Variants in KIF13B observed in about 807,000 individuals in gnomAD.
KIF13B encodes the protein kinesin-like protein KIF13B.
Under a neutral mutation model 222.0 loss-of-function variants are expected in KIF13B, and 127 were observed. The ratio of observed to expected loss-of-function variants is 0.57; its 90% CI spans 0.50 to 0.66. The LOEUF (loss-of-function observed/expected upper bound fraction) is 0.66. KIF13B is among the 30% of genes least tolerant of loss of function. The pLI, the probability that KIF13B is intolerant of heterozygous loss-of-function variation, is 0.00. For missense variants in KIF13B, 2,173 were observed against 2,379.0 expected, an observed-to-expected ratio of 0.91 and a Z score of 1.80; for synonymous variants, 976 against 919.0, an observed-to-expected ratio of 1.06 and a Z score of -1.12.
intron 34 of KIF13B, 41 bp from the exon 35 acceptor site, chr8:29,108,233 G>A: frequency 6.3e-7 from 1 of 1,579,866 alleles, no homozygotes; most frequent in Non-Finnish European, 8.7e-7. Flanking sequence ...TTATGCATCA[G>A]AGCATACACG....
At chr8:29,227,945 T>A (rs924167299) in intron 2 of KIF13B, among the ~76,000 whole-genome samples, 3 of 152,038 alleles carry the variant, frequency 2.0e-5, no homozygotes, top group Non-Finnish European at 4.4e-5. Context: ...AGCAAGACTT[T>A]AAAAAAAATT....
rs370060157 is a variant in KIF13B at position 29,228,043 on chromosome 8, G to GT, written c.149+17302dup. Among the ~76,000 whole-genome samples the GT allele has an allele frequency of 5.4e-3, 794 of 145,866 alleles. 4 individuals are homozygous for GT. Among genetic ancestry groups the GT allele is most frequent in the African/African-American group, 0.017 (691 of 39,772 alleles). On this transcript the variant is annotated intron_variant, in intron 2 of 39. Transcript: ENST00000524189. The stretch of plus-strand genomic sequence containing the variant: ...CACTGGAAATTTTTTTTATAATTTG[G>GT]TTTTTTTTTTTCCTTTCAAAGTACA...
intron 37 of KIF13B, among the ~76,000 whole-genome samples, chr8:29,091,792 T>C (rs957730666): frequency 1.3e-5 from 2 of 152,246 alleles, no homozygotes; most frequent in Non-Finnish European, 2.9e-5. Flanking sequence ...AGCCCCACCA[T>C]GTGTCTAAAT....
In KIF13B at chr8:29,071,598, G is replaced by T; in HGVS notation, c.5218+22C>A. ...CCCAGACCCCCGGCACCACCCTGGA[G>T]CCCGGAGTGCCCGGTACCCACCTGA... On this transcript the variant is annotated intron_variant, in intron 39 of 39. Coordinates refer to ENST00000524189, the MANE Select transcript of KIF13B (RefSeq NM_015254.4). The surrounding 1 kb of genome is among the most constrained non-coding windows in gnomAD (Gnocchi z 4.9). 1 of 1,539,642 alleles carries T rather than the reference G, an allele frequency of 6.5e-7. No homozygotes were observed. Among genetic ancestry groups the T allele is most frequent in the African/African-American group, 1.4e-5 (1 of 72,982 alleles).
intron 37 of KIF13B, among the ~76,000 whole-genome samples, chr8:29,077,179 C>T (rs1479225685): frequency 6.6e-6 from 1 of 152,162 alleles, no homozygotes; most frequent in Non-Finnish European, 1.5e-5. Flanking sequence ...TTGCACATGA[C>T]AAGGCCTGAA....
chr8:29,239,658 T>G (rs1487055298), intron 2 of KIF13B, among the ~76,000 whole-genome samples: 1 of 152,162 alleles, frequency 6.6e-6, no homozygotes, highest in Non-Finnish European at 1.5e-5. Flanking sequence ...TTGTTTTTTT[T>G]GTTTGTTTGC....
At chr8:29,255,644 G>A (rs1485801178) in intron 1 of KIF13B, among the ~76,000 whole-genome samples, 1 of 152,110 alleles carries the variant, frequency 6.6e-6, no homozygotes, top group East Asian at 1.9e-4. Context: ...GTTTCTCAGA[G>A]GAATGTTCTT....
At chr8:29,173,223 A>T (rs537533545) in intron 10 of KIF13B, among the ~76,000 whole-genome samples, 2 of 152,098 alleles carry the variant, frequency 1.3e-5, no homozygotes, top group Non-Finnish European at 2.9e-5. Context: ...CCAACAAAAG[A>T]TATTTGTTGT....
chr8:29,109,642 G>C, intron 33 of KIF13B, 131 bp from the exon 34 acceptor site: 1 of 803,896 alleles, frequency 1.2e-6, no homozygotes, highest in Admixed American at 1.9e-5. Context: ...GCTGTTACGT[G>C]ATTATTACGT....
intron 35 of KIF13B, among the ~76,000 whole-genome samples, chr8:29,104,020 G>A (rs994249586): frequency 3.3e-5 from 5 of 152,062 alleles, no homozygotes; most frequent in East Asian, 1.9e-4. Context: ...TGCTGTCTCC[G>A]AAGCATGTGG....
At chr8:29,130,809 T>C (rs1435019379) in intron 23 of KIF13B, 144 bp from the exon 24 acceptor site, 5 of 671,036 alleles carry the variant, frequency 7.5e-6, no homozygotes, top group African/African-American at 1.8e-5. Context: ...GTGAATACCA[T>C]GCATGTACAT....
intron 18 of KIF13B, among the ~76,000 whole-genome samples, chr8:29,145,081 C>A (rs1233831170): frequency 6.6e-6 from 1 of 152,214 alleles, no homozygotes; most frequent in African/African-American, 2.4e-5. Flanking sequence ...GGCCCTGAAC[C>A]TTCTCCTTGT....
intron 2 of KIF13B, among the ~76,000 whole-genome samples, chr8:29,228,472 A>AAAAAAAAAAAAAAAAAATATATATATAT: frequency 1.4e-4 from 16 of 117,068 alleles, no homozygotes; most frequent in Non-Finnish European, 1.9e-4. Context: ...ATCTTAAAAA[A>AAAAAAAAAAAAAAAAAATATATATATAT]ATATATATAT....
intron 36 of KIF13B, among the ~76,000 whole-genome samples, chr8:29,098,813 A>G (rs1388703123): frequency 6.6e-6 from 1 of 152,178 alleles, no homozygotes; most frequent in Non-Finnish European, 1.5e-5. Context: ...AAAACCTAAC[A>G]AAGACATGAA....
intron 37 of KIF13B, among the ~76,000 whole-genome samples, chr8:29,082,858 T>C (rs1586751850): frequency 1.3e-5 from 2 of 152,312 alleles, no homozygotes; most frequent in East Asian, 3.9e-4. Flanking sequence ...GGCAGAGTGG[T>C]TCACACACAT....
chr8:29,106,632 CAAAAAAAAAAAA>C (rs71222590), intron 35 of KIF13B, among the ~76,000 whole-genome samples: 7 of 56,466 alleles, frequency 1.2e-4, no homozygotes, highest in South Asian at 1.0e-3. Context: ...AACTCTGTCT[CAAAAAAAAAAAA>C]AAAAAAAAAA....
rs147089450 is a variant in KIF13B, at chr8:29,098,170, C to CAAAAAAAAAAAAAAAAAAAAAA, written c.4324+962_4324+963insTTTTTTTTTTTTTTTTTTTTTT. Among the ~76,000 whole-genome samples, 71 of 30,272 alleles carry CAAAAAAAAAAAAAAAAAAAAAA rather than the reference C, an allele frequency of 2.3e-3. 4 individuals carry two copies. The highest frequency in any genetic ancestry group is 3.3e-3 in the East Asian group (3 of 896). 19.9% of individuals were successfully genotyped at this position (30,272 alleles called of 152,430 possible). A position where few individuals can be genotyped will look rare whatever the true frequency, so the allele number is the denominator to read the frequency against. On this transcript the variant is annotated intron_variant, in intron 36 of 39. Coordinates refer to ENST00000524189, the MANE Select transcript of KIF13B (RefSeq NM_015254.4). ...TGGGCGACAGAGTCAGACTCCATCTCAAAAAAAAAAAAAAAAAAAAGTAAG... is the reference window on the plus strand; with the variant it reads ...TGGGCGACAGAGTCAGACTCCATCTCAAAAAAAAAAAAAAAAAAAAAAAAAAAAAAAAAAAAAAAAAAGTAAG...
chr8:29,228,472 A>AAAAAAAAAAATATATATATAT, intron 2 of KIF13B, among the ~76,000 whole-genome samples: 44 of 117,032 alleles, frequency 3.8e-4, no homozygotes, highest in Middle Eastern at 4.4e-3. Flanking sequence ...ATCTTAAAAA[A>AAAAAAAAAAATATATATATAT]ATATATATAT....
rs559545593 is a variant in KIF13B, at chr8:29,237,790, C to T, written c.149+7556G>A. Among the ~76,000 whole-genome samples the T allele has an allele frequency of 3.7e-4, 56 of 152,336 alleles. 1 individual carries two copies. The highest frequency in any genetic ancestry group is 1.3e-3 in the African/African-American group (56 of 41,592). On this transcript the variant is annotated intron_variant, in intron 2 of 39. Coordinates refer to ENST00000524189, the MANE Select transcript of KIF13B (RefSeq NM_015254.4). ...ATGCAATGATATGCATTCAACCACA[C>T]ATATTTTCTTATCTTTTTAGCTTTT...
Sources: gnomAD v4.1 joint callset for allele counts (sites outside exome capture counted in the v4.1 genomes callset) on GRCh38, gnomAD v4.1.1 for gene constraint, Gnocchi (gnomAD v3.1) non-coding constraint, MANE v1.5 for transcripts, NCBI Gene and HGNC (gene_info 2026-07-23, HGNC 2026-07-21) for gene names.